Variants in IFIT5 observed in about 807,000 individuals in gnomAD.
IFIT5 encodes the protein interferon induced protein with tetratricopeptide repeats 5, also known as interferon-induced protein with tetratricopeptide repeats 5.
In IFIT5, 2 loss-of-function variants were observed where a neutral mutation model predicts 5.0. That is an observed-to-expected ratio of 0.40 (90% CI 0.16 to 1.26). IFIT5 has a LOEUF of 1.26. IFIT5 is among the 50% of genes most tolerant of loss of function. The pLI, the probability that IFIT5 is intolerant of heterozygous loss-of-function variation, is 0.33. For missense variants in IFIT5, 524 were observed against 563.2 expected, an observed-to-expected ratio of 0.93 and a Z score of 0.70; for synonymous variants, 206 against 204.6, an observed-to-expected ratio of 1.01 and a Z score of -0.06.
rs1198734716 is a variant in IFIT5, at chr10:89,418,912, A to G, written c.*264A>G. ...AGCTATTGTAACTTCTAAAAATGGT[A>G]TGGCCATTAGATCTGTGCTTTTTAT... On this transcript the variant is annotated 3_prime_UTR_variant, in exon 2 of 2. Coordinates refer to ENST00000371795, the MANE Select transcript of IFIT5 (RefSeq NM_012420.3). 2 of 289,652 alleles carry G rather than the reference A, an allele frequency of 6.9e-6. No individual in the cohort carries two copies. Among genetic ancestry groups the G allele is most frequent in the Non-Finnish European group, 6.4e-6 (1 of 156,492 alleles). The allele number at this position is 289,652 out of a possible 1,614,324, so 17.9% of individuals were successfully genotyped here. A position where few individuals can be genotyped will look rare whatever the true frequency, so the allele number is the denominator to read the frequency against.
In IFIT5 at chr10:89,418,282, C is replaced by T; in HGVS notation, c.1083C>T (p.Phe361=). 2 of 1,614,200 alleles carry T rather than the reference C, an allele frequency of 1.2e-6. No homozygotes were observed. The highest frequency in any genetic ancestry group is 1.7e-6 in the Non-Finnish European group (2 of 1,180,034). The stretch of plus-strand genomic sequence containing the variant: ...AGTATAGCAATGCTGAGGACATTTT[C>T]CGGAAAGCTCTTCGTCTGGAGAACA... ...GGQYSNAEDI[F]RKALRLENIT... is the part of the protein sequence containing the mutation. The change falls in exon 2 of 2, where the codon TTC becomes TTT. Residue 361 remains phenylalanine (F), a synonymous_variant. Coordinates refer to ENST00000371795, the MANE Select transcript of IFIT5 (RefSeq NM_012420.3).
In IFIT5 at chr10:89,417,373, C is replaced by T. The variant is rs1237283470; in HGVS notation, c.174C>T (p.Ala58=). ...GACTTGCTCTTTATAACCTATTGGC[C>T]TATGTGAAACACCTAAAAGGCCAAA... ...KSRLALYNLL[A]YVKHLKGQNK... The change falls in exon 2 of 2, where the codon GCC becomes GCT. Residue 58 remains alanine (A), a synonymous_variant. Transcript: ENST00000371795. The T allele has an allele frequency of 6.2e-7, 1 of 1,614,078 alleles. No individual in the cohort carries two copies. Among genetic ancestry groups the T allele is most frequent in the Admixed American group, 1.7e-5 (1 of 59,996 alleles).
Position 89,417,188 on chromosome 10 carries a change from T to C in IFIT5, c.6-17T>C, listed in dbSNP as rs1841546166. 6.5e-7 allele frequency: 1 copy of C among 1,540,992 alleles called. No individual in the cohort carries two copies. Among genetic ancestry groups the C allele is most frequent in the African/African-American group, 1.4e-5 (1 of 71,970 alleles). The stretch of plus-strand genomic sequence containing the variant: ...TTGTATTTCTTCAAAAATTAAAAAG[T>C]ATTTTATCTTTGACAGTGAAATTCG... On this transcript the variant is annotated splice_polypyrimidine_tract_variant and intron_variant, in intron 1 of 1. Coordinates refer to ENST00000371795, the MANE Select transcript of IFIT5 (RefSeq NM_012420.3).
chr10:89,417,086 T>A (rs1841545068), intron 1 of IFIT5, 119 bp from the exon 2 acceptor site: 12 of 818,968 alleles, frequency 1.5e-5, no homozygotes, highest in Non-Finnish European at 2.2e-5. Flanking sequence ...GAAACTTATG[T>A]TTTAACTGTA....
rs1436592367 is a variant in IFIT5, at chr10:89,420,175, A to G, written c.*1527A>G. 1.3e-5 allele frequency: 2 copies of G among 152,188 alleles called. No homozygotes were observed. The highest frequency in any genetic ancestry group is 4.8e-5 in the African/African-American group (2 of 41,446). 9.4% of individuals were successfully genotyped at this position (152,188 alleles called of 1,614,324 possible). On this transcript the variant is annotated 3_prime_UTR_variant, in exon 2 of 2. Transcript: ENST00000371795. Reference sequence around the variant, plus strand: ...TCTATGCGTAATCAGACATACATATATACTGCAGTGTATCTCACGTATTAA... The same window carrying G: ...TCTATGCGTAATCAGACATACATATGTACTGCAGTGTATCTCACGTATTAA...
In IFIT5 at chr10:89,420,310, G is replaced by A. The variant is rs748593055; in HGVS notation, c.*1662G>A. On this transcript the variant is annotated 3_prime_UTR_variant, in exon 2 of 2. Coordinates refer to ENST00000371795, the MANE Select transcript of IFIT5 (RefSeq NM_012420.3). ...GAATGATCTTTACTCAAGAATTTCAGAAAGTCAGCACTGAAGTCCTGACCT... is the reference window on the plus strand; with the variant it reads ...GAATGATCTTTACTCAAGAATTTCAAAAAGTCAGCACTGAAGTCCTGACCT... 2.0e-5 allele frequency: 3 copies of A among 152,124 alleles called. No homozygotes were observed. The highest frequency in any genetic ancestry group is 2.9e-5 in the Non-Finnish European group (2 of 68,022). The allele number at this position is 152,124 out of a possible 1,614,324, so 9.4% of individuals were successfully genotyped here.
chr10:89,415,404 G>C (rs659287), intron 1 of IFIT5, among the ~76,000 whole-genome samples: 152,348 of 152,352 alleles, frequency 1, 76,172 homozygotes, highest in African/African-American at 1. Flanking sequence ...GCAGGCGTCA[G>C]GTTCGCCTGC....
Position 89,419,707 on chromosome 10 carries a change from A to G in IFIT5, c.*1059A>G, listed in dbSNP as rs145505742. ...TTTTTTTCATGTAGATACTCCAGGA[A>G]GAGTTAAGCACTGCTTTCAGTTTTA... On this transcript the variant is annotated 3_prime_UTR_variant, in exon 2 of 2. Transcript: ENST00000371795. The G allele has an allele frequency of 7.2e-5, 11 of 152,190 alleles. No individual in the cohort carries two copies. Among genetic ancestry groups the G allele is most frequent in the Middle Eastern group, 3.4e-3 (1 of 294 alleles). The allele number at this position is 152,190 out of a possible 1,614,324, so 9.4% of individuals were successfully genotyped here. A position where few individuals can be genotyped will look rare whatever the true frequency, so the allele number is the denominator to read the frequency against.
intron 1 of IFIT5, 111 bp from the exon 2 acceptor site, chr10:89,417,094 G>A: frequency 1.1e-6 from 1 of 887,186 alleles, no homozygotes; most frequent in Non-Finnish European, 1.6e-6. Context: ...TGTTTTAACT[G>A]TAAGATCAAA....
At chr10:89,415,525 G>A (rs1841526956) in intron 1 of IFIT5, among the ~76,000 whole-genome samples, 1 of 152,180 alleles carries the variant, frequency 6.6e-6, no homozygotes. Flanking sequence ...TGTTTTATGA[G>A]GATTTCTTTA....
intron 1 of IFIT5, 39 bp downstream of exon 1, chr10:89,414,842 T>C: frequency 6.2e-7 from 1 of 1,604,382 alleles, no homozygotes; most frequent in Non-Finnish European, 8.5e-7. Flanking sequence ...AAGCCCTGCG[T>C]CGGCCTTGGT....
At position 89,414,702 on chromosome 10, in the gene IFIT5, C is replaced by A; in HGVS notation, c.-97C>A. On this transcript the variant is annotated 5_prime_UTR_variant, in exon 1 of 2. Coordinates refer to ENST00000371795, the MANE Select transcript of IFIT5 (RefSeq NM_012420.3). ...GAGGCCTGGCGCGCGCACGCGCACG[C>A]GCACGCCCACCGCGCGGCTTCCCGC... The A allele has an allele frequency of 1.4e-6, 2 of 1,469,716 alleles. No homozygotes were observed. Among genetic ancestry groups the A allele is most frequent in the Non-Finnish European group, 1.8e-6 (2 of 1,107,420 alleles). The allele number at this position is 1,469,716 out of a possible 1,614,324, so 91.0% of individuals were successfully genotyped here.
chr10:89,420,942 G>C lies in IFIT5; in HGVS notation c.*2294G>C, dbSNP rs1363687431. On this transcript the variant is annotated 3_prime_UTR_variant, in exon 2 of 2. Transcript: ENST00000371795. ...TCCTTGAATATCCAGTTTGCATTTG[G>C]ACTCCTCATCATATACTTGGTATAT... is the stretch of plus-strand genomic sequence containing the variant. 1 of 152,138 alleles carries C rather than the reference G, an allele frequency of 6.6e-6. No homozygotes were observed. Among genetic ancestry groups the C allele is most frequent in the African/African-American group, 2.4e-5 (1 of 41,406 alleles). The allele number at this position is 152,138 out of a possible 1,614,324, so 9.4% of individuals were successfully genotyped here. A position where few individuals can be genotyped will look rare whatever the true frequency, so the allele number is the denominator to read the frequency against.
At position 89,414,666 on chromosome 10, in the gene IFIT5, C is replaced by T; in HGVS notation, c.-133C>T. On this transcript the variant is annotated 5_prime_UTR_variant, in exon 1 of 2. Coordinates refer to ENST00000371795, the MANE Select transcript of IFIT5 (RefSeq NM_012420.3). ...CAAAGACACGCCGCGCGGCCGAGTC[C>T]AGGGGCTGCAGAGGCCTGGCGCGCG... The T allele has an allele frequency of 2.9e-6, 3 of 1,030,622 alleles. No homozygotes were observed. The highest frequency in any genetic ancestry group is 4.0e-6 in the Non-Finnish European group (3 of 750,228). 63.8% of individuals were successfully genotyped at this position (1,030,622 alleles called of 1,614,324 possible).
intron 1 of IFIT5, among the ~76,000 whole-genome samples, chr10:89,416,080 G>A (rs897632103): frequency 5.3e-5 from 8 of 152,110 alleles, no homozygotes; most frequent in Non-Finnish European, 1.2e-4. Flanking sequence ...GTGCCACCAC[G>A]CCTGGCTAAT....
In IFIT5 at chr10:89,417,860, C is replaced by T. The variant is rs984930247; in HGVS notation, c.661C>T (p.Leu221=). The change falls in exon 2 of 2, where the codon CTG becomes TTG. Residue 221 remains leucine (L), a synonymous_variant. Coordinates refer to ENST00000371795, the MANE Select transcript of IFIT5 (RefSeq NM_012420.3). ...AGATAACAGCTATATTAAGGTTTTT[C>T]TGGCACTGAAGCTTCAAGATGTACA... The part of the protein sequence containing the change: ...NPDNSYIKVF[L]ALKLQDVHAE... 1.9e-6 allele frequency: 3 copies of T among 1,614,070 alleles called. No individual in the cohort carries two copies. Among genetic ancestry groups the T allele is most frequent in the Middle Eastern group, 1.6e-4 (1 of 6,084 alleles).
chr10:89,416,892 G>T (rs1841543007), intron 1 of IFIT5, among the ~76,000 whole-genome samples: 1 of 152,108 alleles, frequency 6.6e-6, no homozygotes, highest in Admixed American at 6.5e-5. Flanking sequence ...ATTAATTATT[G>T]AATATGTATA....
At chr10:89,417,163 T>A in intron 1 of IFIT5, 42 bp from the exon 2 acceptor site, 1 of 1,466,652 alleles carries the variant, frequency 6.8e-7, no homozygotes, top group Non-Finnish European at 9.2e-7. Context: ...AAATTATTTC[T>A]TGTATTTCTT....
chr10:89,416,193 G>A (rs1310007316), intron 1 of IFIT5, among the ~76,000 whole-genome samples: 1 of 152,232 alleles, frequency 6.6e-6, no homozygotes, highest in Non-Finnish European at 1.5e-5. Context: ...AAAGTGCTGG[G>A]ATTACAGGCG....
Sources: allele counts gnomAD v4.1 joint callset (sites outside exome capture counted in the v4.1 genomes callset), GRCh38; gene constraint gnomAD v4.1.1; transcripts MANE v1.5; gene names NCBI Gene and HGNC (gene_info 2026-07-23, HGNC 2026-07-21).